Variants in RBFOX1 observed in about 807,000 individuals in gnomAD.
RBFOX1 encodes RNA binding protein fox-1 homolog 1.
In RBFOX1, 8 loss-of-function variants were observed where a neutral mutation model predicts 57.7. The ratio of observed to expected loss-of-function variants is 0.14; its 90% confidence interval spans 0.08 to 0.25. The LOEUF (loss-of-function observed/expected upper bound fraction) is 0.25. Among genes scored for constraint, RBFOX1 ranks in the 10% least tolerant of loss-of-function variants. The pLI is 1.00. For synonymous variants in RBFOX1, 326 were observed against 222.4 expected, an observed-to-expected ratio of 1.47 and a Z score of -4.15; for missense variants, 611 against 548.5, an observed-to-expected ratio of 1.11 and a Z score of -1.14.
At chr16:7,032,285 A>C (rs1049286103) in intron 3 of RBFOX1, among the ~76,000 whole-genome samples, 4 of 151,824 alleles carry the variant, frequency 2.6e-5, no homozygotes, top group African/African-American at 9.7e-5. Context: ...ACAAAAACAA[A>C]ACAAAAAAAT....
intron 3 of RBFOX1, among the ~76,000 whole-genome samples, chr16:5,765,211 G>T (rs775240957): frequency 7.9e-5 from 12 of 152,164 alleles, no homozygotes; most frequent in Non-Finnish European, 1.6e-4. Flanking sequence ...TCCAGAATGT[G>T]CTTAAATCTG....
intron 4 of RBFOX1, among the ~76,000 whole-genome samples, chr16:7,063,103 C>T (rs933975158): frequency 6.6e-6 from 1 of 151,854 alleles, no homozygotes; most frequent in African/African-American, 2.4e-5. Flanking sequence ...TGTGAATCGG[C>T]GCTGACTTTA....
At chr16:6,925,931 T>C (rs1382369570) in intron 3 of RBFOX1, among the ~76,000 whole-genome samples, 2 of 152,168 alleles carry the variant, frequency 1.3e-5, no homozygotes, top group African/African-American at 4.8e-5. Flanking sequence ...TTGCAATTAA[T>C]TTATTTTAGT....
intron 1 of RBFOX1, among the ~76,000 whole-genome samples, chr16:6,164,482 T>TTG (rs1483832174): frequency 6.6e-6 from 1 of 151,430 alleles, no homozygotes; most frequent in Non-Finnish European, 1.5e-5. Flanking sequence ...TTTTTTTTTT[T>TTG]TTGAGATGTA....
intron 14 of RBFOX1, among the ~76,000 whole-genome samples, chr16:7,693,697 C>T (rs2077921223): frequency 6.6e-6 from 1 of 152,116 alleles, no homozygotes; most frequent in African/African-American, 2.4e-5. Flanking sequence ...AGATTAGGTA[C>T]ACAGACGTAT....
Position 7,587,267 on chromosome 16 carries a change from T to C in RBFOX1, c.435T>C (p.Asp145=), listed in dbSNP as rs1425058505. ...QMFGQFGKIL[D]VEIIFNERGS... ...TGCAGCAATTTGGTAAAATCTTAGA[T>C]GTTGAAATTATTTTTAATGAGCGAG... The change falls in exon 7 of 16, where the codon GAT becomes GAC. Residue 145 remains aspartate, a synonymous_variant. Transcript: ENST00000550418. 1 of 1,569,872 alleles carries C rather than the reference T, an allele frequency of 6.4e-7. No homozygotes were observed. The highest frequency in any genetic ancestry group is 1.2e-5 in the South Asian group (1 of 81,794).
chr16:6,883,803 T>C (rs1403543526), intron 3 of RBFOX1, among the ~76,000 whole-genome samples: 2 of 152,164 alleles, frequency 1.3e-5, no homozygotes, highest in South Asian at 2.1e-4. Flanking sequence ...GGTTTTTTTT[T>C]TTCTTTTCTC....
chr16:6,591,469 T>A (rs1438823429), intron 2 of RBFOX1, among the ~76,000 whole-genome samples: 1 of 151,922 alleles, frequency 6.6e-6, no homozygotes, highest in Non-Finnish European at 1.5e-5. Flanking sequence ...AAAAGGAAAA[T>A]GAAAAACCTT....
chr16:7,323,616 C>G (rs1364317312), intron 4 of RBFOX1, among the ~76,000 whole-genome samples: 1 of 152,184 alleles, frequency 6.6e-6, no homozygotes, highest in Admixed American at 6.5e-5. Context: ...CAATTCACTT[C>G]CCCTCTCATG....
chr16:7,066,251 G>C (rs180782138), intron 4 of RBFOX1, among the ~76,000 whole-genome samples: 1 of 152,174 alleles, frequency 6.6e-6, no homozygotes, highest in Non-Finnish European at 1.5e-5. Context: ...TTGAACCCAG[G>C]TCTATATTCA....
intron 4 of RBFOX1, among the ~76,000 whole-genome samples, chr16:6,008,087 C>T (rs928236288): frequency 6.6e-6 from 1 of 152,088 alleles, no homozygotes; most frequent in East Asian, 1.9e-4. Flanking sequence ...CACCTGTAGT[C>T]CCAGCTACTC....
chr16:6,210,358 C>CAAAAAA, intron 1 of RBFOX1, among the ~76,000 whole-genome samples: 1 of 96,708 alleles, frequency 1.0e-5, no homozygotes, highest in South Asian at 4.3e-4. Flanking sequence ...AAAAAAAAAA[C>CAAAAAA]ACCAAAAAAA....
intron 1 of RBFOX1, among the ~76,000 whole-genome samples, chr16:6,078,883 C>T (rs921367338): frequency 6.6e-6 from 1 of 152,198 alleles, no homozygotes; most frequent in Non-Finnish European, 1.5e-5. Context: ...GAAAACTGTG[C>T]ATGGTGGATC....
In RBFOX1 at chr16:6,860,604, C is replaced by T. The variant is rs559238729; in HGVS notation, c.-15-191453C>T. On this transcript the variant is annotated intron_variant, in intron 3 of 15. Coordinates refer to ENST00000550418, the MANE Select transcript of RBFOX1 (RefSeq NM_018723.4). ...CACATAGAAGATTCATTGTGGCATCCAAGCAAAACATTAGGAAGACAACAA... is the reference window on the plus strand; with the variant it reads ...CACATAGAAGATTCATTGTGGCATCTAAGCAAAACATTAGGAAGACAACAA... Among the ~76,000 whole-genome samples, 4 of 152,218 alleles carry T rather than the reference C, an allele frequency of 2.6e-5. No homozygotes were observed. In the South Asian group the frequency reaches 8.3e-4, roughly 32 times the overall value.
chr16:5,459,613 C>G (rs2151590968), intron 1 of RBFOX1, among the ~76,000 whole-genome samples: 1 of 152,212 alleles, frequency 6.6e-6, no homozygotes, highest in Middle Eastern at 3.4e-3. Flanking sequence ...CCTTCCCCCA[C>G]AAATCTTTTT....
intron 4 of RBFOX1, among the ~76,000 whole-genome samples, chr16:7,465,353 C>T (rs1458280922): frequency 2.0e-5 from 3 of 152,190 alleles, no homozygotes; most frequent in Admixed American, 1.3e-4. Flanking sequence ...CTGTAGGCGC[C>T]ATAAGGGCGG....
chr16:6,998,029 T>C (rs1427849870), intron 3 of RBFOX1, among the ~76,000 whole-genome samples: 1 of 152,110 alleles, frequency 6.6e-6, no homozygotes, highest in East Asian at 1.9e-4. Context: ...TGCCGTTCTT[T>C]TGTTAAAATT....
intron 2 of RBFOX1, among the ~76,000 whole-genome samples, chr16:5,518,601 T>C (rs2043886392): frequency 6.6e-6 from 1 of 152,208 alleles, no homozygotes. Flanking sequence ...TGCAAGGATA[T>C]GTCCATGTTT....
At chr16:6,582,613 C>T (rs1045196304) in intron 2 of RBFOX1, among the ~76,000 whole-genome samples, 6 of 151,960 alleles carry the variant, frequency 3.9e-5, no homozygotes, top group Admixed American at 2.6e-4. Flanking sequence ...ATGATGACAT[C>T]GTAGATCCAA....
Sources: allele counts gnomAD v4.1 joint callset (sites outside exome capture counted in the v4.1 genomes callset), GRCh38; gene constraint gnomAD v4.1.1; transcripts MANE v1.5; gene names NCBI Gene and HGNC (gene_info 2026-07-23, HGNC 2026-07-21).